Variants in TBC1D30 observed in about 807,000 individuals in gnomAD.
TBC1D30 encodes the protein TBC1 domain family, member 30.
TBC1D30 carries 31 observed loss-of-function variants against 63.2 expected under a neutral mutation model. The observed-to-expected ratio is 0.49, with a 90% CI of 0.37 to 0.66. The LOEUF is 0.66. Among genes scored for constraint, TBC1D30 ranks in the 30% least tolerant of loss-of-function variants. TBC1D30 has a pLI of 0.00. For synonymous variants in TBC1D30, 307 were observed against 361.5 expected (o/e 0.85, Z 1.71); for missense variants, 810 against 953.6 (o/e 0.85, Z 1.98).
intron 1 of TBC1D30, among the ~76,000 whole-genome samples, chr12:64,772,655 C>T (rs2136279510): frequency 6.6e-6 from 1 of 152,198 alleles, no homozygotes; most frequent in South Asian, 2.1e-4. Context: ...GTCTTGAACT[C>T]CTGACTTCAT....
At chr12:64,827,547 T>C (rs1205806702) in intron 1 of TBC1D30, among the ~76,000 whole-genome samples, 1 of 152,232 alleles carries the variant, frequency 6.6e-6, no homozygotes, top group African/African-American at 2.4e-5. Context: ...ACTGTATGAC[T>C]CCAAGCCTGT....
chr12:64,855,697 A>G (rs900853339), intron 8 of TBC1D30, among the ~76,000 whole-genome samples: 1 of 152,170 alleles, frequency 6.6e-6, no homozygotes, highest in Non-Finnish European at 1.5e-5. Context: ...TTAAATTTTT[A>G]TGATAGAATT....
At chr12:64,866,729 T>C in intron 9 of TBC1D30, 35 bp from the exon 10 acceptor site, 1 of 1,526,076 alleles carries the variant, frequency 6.6e-7, no homozygotes, top group Non-Finnish European at 8.8e-7. Flanking sequence ...TGGTTTTCTT[T>C]GTATATTTCT....
intron 8 of TBC1D30, among the ~76,000 whole-genome samples, chr12:64,859,988 G>C (rs913025172): frequency 1.4e-4 from 20 of 147,768 alleles, no homozygotes; most frequent in African/African-American, 4.5e-4. Context: ...TGGTTCCTCT[G>C]TACTCCTCCA....
rs1873247312 is a variant in TBC1D30 at position 64,812,041 on chromosome 12, G to A, written c.644-15794G>A. 2.6e-5 allele frequency among the ~76,000 whole-genome samples: 4 copies of A among 151,988 alleles called. 1 individual carries two copies. The South Asian group carries it at 8.3e-4, about 32-fold the overall frequency. ...CCTTGGAAAAGTTATTTAACCTTCT[G>A]GTCAGTTTGTTCATTCATTTGTTCA... On this transcript the variant is annotated intron_variant, in intron 2 of 12. Coordinates refer to the TBC1D30 transcript ENST00000542120.
chr12:64,781,691 C>CT (rs34191075), intron 1 of TBC1D30, among the ~76,000 whole-genome samples: 87,930 of 145,038 alleles, frequency 0.61, 26,628 homozygotes, highest in East Asian at 0.87. Context: ...CTGTTCTTTC[C>CT]TTTTTTTTTT....
chr12:64,798,989 T>G, intron 2 of TBC1D30, among the ~76,000 whole-genome samples: 1 of 151,776 alleles, frequency 6.6e-6, no homozygotes, highest in Non-Finnish European at 1.5e-5. Flanking sequence ...ATTTTTTGTA[T>G]TTTTTAGTAG....
chr12:64,852,173 T>G (rs1211000052), intron 8 of TBC1D30, among the ~76,000 whole-genome samples: 2 of 152,172 alleles, frequency 1.3e-5, no homozygotes, highest in Admixed American at 6.6e-5. Context: ...GTAGGTTTGG[T>G]CTTTTTACAT....
At chr12:64,858,146 G>A (rs114031534) in intron 8 of TBC1D30, among the ~76,000 whole-genome samples, 1 of 152,184 alleles carries the variant, frequency 6.6e-6, no homozygotes, top group East Asian at 1.9e-4. Context: ...GCAGCAGGGG[G>A]CATGAATGGT....
chr12:64,781,751 G>A (rs965675001), intron 1 of TBC1D30, among the ~76,000 whole-genome samples: 1 of 151,160 alleles, frequency 6.6e-6, no homozygotes. Flanking sequence ...ACCACTTAGT[G>A]TTTAACTAGT....
chr12:64,841,467 C>T (rs1425022752), intron 7 of TBC1D30, among the ~76,000 whole-genome samples: 2 of 152,210 alleles, frequency 1.3e-5, no homozygotes, highest in Non-Finnish European at 2.9e-5. Context: ...GCCATGCCAC[C>T]TCCAGGCAGA....
chr12:64,785,842 A>G (rs1871537017), intron 1 of TBC1D30: 2 of 1,264,758 alleles, frequency 1.6e-6, no homozygotes, highest in Non-Finnish European at 2.1e-6. Flanking sequence ...TATTCCTCTC[A>G]AGGTATTAAT....
intron 8 of TBC1D30, among the ~76,000 whole-genome samples, chr12:64,856,853 G>C (rs143739509): frequency 1.3e-5 from 2 of 152,232 alleles, no homozygotes; most frequent in African/African-American, 4.8e-5. Context: ...AGGCAGAAGA[G>C]CTTCTACCTG....
At chr12:64,874,907 G>C (rs370080529) in intron 11 of TBC1D30, 94 bp from the exon 12 acceptor site, 3 of 1,197,596 alleles carry the variant, frequency 2.5e-6, no homozygotes, top group African/African-American at 3.1e-5. Context: ...GGATGTGGTA[G>C]ACGGGGCTGG....
chr12:64,825,698 C>A (rs1027397144), intron 1 of TBC1D30: 2 of 152,314 alleles, frequency 1.3e-5, no homozygotes, highest in African/African-American at 2.4e-5. Flanking sequence ...AACTCCGTGT[C>A]GGCTCCATCA....
At chr12:64,785,446 C>A (rs1249058839) in intron 1 of TBC1D30, among the ~76,000 whole-genome samples, 3 of 83,974 alleles carry the variant, frequency 3.6e-5, no homozygotes, top group Middle Eastern at 6.0e-3. Flanking sequence ...CCACGCCTGG[C>A]CTTTAAAGAC....
At chr12:64,774,859 A>G (rs569767431) in intron 1 of TBC1D30, among the ~76,000 whole-genome samples, 7 of 152,190 alleles carry the variant, frequency 4.6e-5, no homozygotes, top group African/African-American at 1.2e-4. Context: ...TTGGGAGGCC[A>G]AGGTGGGCAC....
intron 5 of TBC1D30, among the ~76,000 whole-genome samples, chr12:64,835,317 A>T (rs1176478274): frequency 6.6e-6 from 1 of 152,140 alleles, no homozygotes. Context: ...TGACCCTGAA[A>T]AGTGGAAATT....
At chr12:64,835,183 G>A (rs966365518) in intron 5 of TBC1D30, among the ~76,000 whole-genome samples, 3 of 152,104 alleles carry the variant, frequency 2.0e-5, no homozygotes, top group African/African-American at 4.8e-5. Flanking sequence ...ATGATGTTAC[G>A]TGTACCTGGT....
Sources: allele counts gnomAD v4.1 joint callset (sites outside exome capture counted in the v4.1 genomes callset), GRCh38; gene constraint gnomAD v4.1.1; transcripts MANE v1.5; gene names NCBI Gene and HGNC (gene_info 2026-07-23, HGNC 2026-07-21).